Variants in CHSY3 observed in about 807,000 individuals in gnomAD.
The protein encoded by CHSY3 is N-acetylgalactosaminyl-proteoglycan 3-beta-glucuronosyltransferase 3.
In CHSY3, 35 loss-of-function variants were observed where a neutral mutation model predicts 67.2. That is an observed-to-expected ratio of 0.52 (90% confidence interval 0.40 to 0.69). The LOEUF is 0.69. CHSY3 is among the 30% of genes least tolerant of loss of function. The pLI is 0.00. For synonymous variants in CHSY3, 474 were observed against 434.7 expected, an observed-to-expected ratio of 1.09 and a Z score of -1.12; for missense variants, 1,069 against 1,138.5, an observed-to-expected ratio of 0.94 and a Z score of 0.88.
chr5:130,092,810 A>C (rs1766923245), intron 2 of CHSY3, among the ~76,000 whole-genome samples: 2 of 152,196 alleles, frequency 1.3e-5, no homozygotes, highest in Non-Finnish European at 2.9e-5. Context: ...TTCAGGGTTT[A>C]TATACCAGGG....
intron 2 of CHSY3, among the ~76,000 whole-genome samples, chr5:130,121,627 G>T (rs557436514): frequency 6.6e-6 from 1 of 152,174 alleles, no homozygotes; most frequent in South Asian, 2.1e-4. Flanking sequence ...TGAGATTTAT[G>T]TAATTTGGGG....
intron 2 of CHSY3, among the ~76,000 whole-genome samples, chr5:130,054,952 GTCTGAGGATGGTGGTGGAAAA>G (rs1467344293): frequency 1.3e-5 from 2 of 152,078 alleles, no homozygotes; most frequent in Non-Finnish European, 2.9e-5. Flanking sequence ...GCTAGGTGGG[GTCTGAGGATGGTGGTGGAAAA>G]TCATATCTCC....
intron 2 of CHSY3, among the ~76,000 whole-genome samples, chr5:129,961,855 C>G (rs1196942292): frequency 6.6e-6 from 1 of 151,932 alleles, no homozygotes; most frequent in Non-Finnish European, 1.5e-5. Context: ...TTCAGATCTT[C>G]TCTATTCTCA....
chr5:130,067,230 C>A (rs1765911135), intron 2 of CHSY3, among the ~76,000 whole-genome samples: 1 of 152,086 alleles, frequency 6.6e-6, no homozygotes. Flanking sequence ...AGTTCTCTTC[C>A]TTGTATGTAC....
chr5:129,979,238 A>G (rs1303779118), intron 2 of CHSY3, among the ~76,000 whole-genome samples: 2 of 151,270 alleles, frequency 1.3e-5, no homozygotes, highest in Admixed American at 6.6e-5. Context: ...AAGAAAAGAA[A>G]AAGAAAAATT....
intron 2 of CHSY3, among the ~76,000 whole-genome samples, chr5:130,031,779 C>T (rs534628808): frequency 6.6e-6 from 1 of 152,258 alleles, no homozygotes; most frequent in East Asian, 1.9e-4. Flanking sequence ...AGTATCTTCC[C>T]TCAGAAATTA....
chr5:130,169,153 T>C (rs1469243117), intron 2 of CHSY3, among the ~76,000 whole-genome samples: 1 of 152,116 alleles, frequency 6.6e-6, no homozygotes, highest in Non-Finnish European at 1.5e-5. Flanking sequence ...TCACTAACCT[T>C]CTTCAGCATC....
intron 2 of CHSY3, among the ~76,000 whole-genome samples, chr5:130,045,863 A>G (rs922299175): frequency 2.6e-5 from 4 of 152,042 alleles, no homozygotes; most frequent in Non-Finnish European, 5.9e-5. Flanking sequence ...ATGTGCTTCA[A>G]ACTTGATTGC....
intron 2 of CHSY3, chr5:130,001,378 T>C: frequency 5.6e-6 from 5 of 897,626 alleles, no homozygotes; most frequent in Non-Finnish European, 6.7e-6. Flanking sequence ...TTCCTCCTAC[T>C]CTTCTTCTCC....
rs894090163 is a variant in CHSY3, at chr5:130,186,472, T to C, written c.*681T>C. On this transcript the variant is annotated 3_prime_UTR_variant, in exon 3 of 3. Coordinates refer to ENST00000305031, the MANE Select transcript of CHSY3 (RefSeq NM_175856.5). ...CTGTCTGCTATAAATGCGAATGAAC[T>C]TTATTTTCTCAAGGAAATATGATTT... The C allele has an allele frequency of 2.6e-5, 4 of 152,800 alleles. No individual in the cohort carries two copies. The highest frequency in any genetic ancestry group is 5.9e-5 in the Non-Finnish European group (4 of 68,036). 9.5% of individuals were successfully genotyped at this position (152,800 alleles called of 1,614,324 possible).
chr5:130,117,413 T>G (rs1387143186), intron 2 of CHSY3, among the ~76,000 whole-genome samples: 2 of 152,152 alleles, frequency 1.3e-5, no homozygotes, highest in Non-Finnish European at 2.9e-5. Flanking sequence ...GATCTCATGG[T>G]CAGGTTGTGG....
intron 2 of CHSY3, among the ~76,000 whole-genome samples, chr5:130,168,743 C>T (rs1359097967): frequency 3.3e-5 from 5 of 152,020 alleles, no homozygotes; most frequent in Admixed American, 1.3e-4. Context: ...CTAGGCTACA[C>T]TCTAGGAGCT....
chr5:130,160,010 G>A (rs30263), intron 2 of CHSY3, among the ~76,000 whole-genome samples: 122,035 of 152,096 alleles, frequency 0.8, 49,725 homozygotes, highest in Middle Eastern at 0.89. Context: ...CCAGGTTACA[G>A]AAAAAGAAAG....
chr5:129,904,565 G>GCCA lies in CHSY3; in HGVS notation c.-262_-260dup, dbSNP rs1760154725. On this transcript the variant is annotated 5_prime_UTR_variant, in exon 1 of 3. Transcript: ENST00000305031. ...AGCTGCCGCTGCTGCCGCCGCTGCC[G>GCCA]CCACCGCCGCCGCCGGGAGAAGTTT... 2.4e-6 allele frequency: 1 copy of GCCA among 411,234 alleles called. No homozygotes were observed. Among genetic ancestry groups the GCCA allele is most frequent in the Non-Finnish European group, 3.9e-6 (1 of 258,030 alleles). The allele number at this position is 411,234 out of a possible 1,614,324, so 25.5% of individuals were successfully genotyped here. A position where few individuals can be genotyped will look rare whatever the true frequency, so the allele number is the denominator to read the frequency against.
intron 2 of CHSY3, among the ~76,000 whole-genome samples, chr5:130,089,622 T>G (rs1167983736): frequency 1.3e-5 from 2 of 152,136 alleles, no homozygotes; most frequent in African/African-American, 2.4e-5. Context: ...GTTAAATTGC[T>G]GTTAGAGGAC....
chr5:130,113,573 G>T (rs1767665343), intron 2 of CHSY3, among the ~76,000 whole-genome samples: 1 of 152,066 alleles, frequency 6.6e-6, no homozygotes. Flanking sequence ...TTTATTCTGG[G>T]ACTTGGCACA....
intron 2 of CHSY3, among the ~76,000 whole-genome samples, chr5:129,970,800 A>G (rs1169991604): frequency 6.6e-6 from 1 of 151,926 alleles, no homozygotes; most frequent in Non-Finnish European, 1.5e-5. Flanking sequence ...CTATGCTACC[A>G]GAAGCCATGC....
At chr5:130,158,183 T>C (rs185827688) in intron 2 of CHSY3, among the ~76,000 whole-genome samples, 1 of 152,302 alleles carries the variant, frequency 6.6e-6, no homozygotes, top group Admixed American at 6.5e-5. Flanking sequence ...AATGGCTAAC[T>C]CACTGGGAAT....
chr5:130,062,023 A>G (rs1580696589), intron 2 of CHSY3, among the ~76,000 whole-genome samples: 1 of 152,022 alleles, frequency 6.6e-6, no homozygotes, highest in Non-Finnish European at 1.5e-5. Flanking sequence ...AAATAGCACA[A>G]CCCAGCAACC....
Sources: allele counts gnomAD v4.1 joint callset (sites outside exome capture counted in the v4.1 genomes callset), GRCh38; gene constraint gnomAD v4.1.1; transcripts MANE v1.5; gene names NCBI Gene and HGNC (gene_info 2026-07-23, HGNC 2026-07-21).